Variants in PALS2 observed in about 807,000 individuals in gnomAD.
PALS2 encodes protein associated with LIN7 2, MAGUK p55 family member, also known as protein PALS2.
Under a neutral mutation model 61.6 loss-of-function variants are expected in PALS2, and 27 were observed. The observed-to-expected ratio is 0.44, with a 90% CI of 0.32 to 0.60. The LOEUF (loss-of-function observed/expected upper bound fraction) is 0.60, where lower values mean the gene tolerates loss of function less well. Among genes scored for constraint, PALS2 ranks in the 20% least tolerant of loss-of-function variants. The pLI, the probability that PALS2 is intolerant of heterozygous loss-of-function variation, is 0.05. For missense variants in PALS2, 554 were observed against 639.4 expected (o/e 0.87, Z 1.44); for synonymous variants, 236 against 218.6 (o/e 1.08, Z -0.70).
At chr7:24,686,800 C>A (rs990763357) in intron 11 of PALS2, among the ~76,000 whole-genome samples, 1 of 152,174 alleles carries the variant, frequency 6.6e-6, no homozygotes, top group Non-Finnish European at 1.5e-5. Flanking sequence ...CACCATCTTA[C>A]GAAAAGCTTT....
intron 3 of PALS2, among the ~76,000 whole-genome samples, chr7:24,649,248 A>T (rs1177255828): frequency 6.6e-6 from 1 of 152,092 alleles, no homozygotes; most frequent in Non-Finnish European, 1.5e-5. Flanking sequence ...AGTAAATAGG[A>T]TTGATGGTAA....
chr7:24,596,396 G>C lies in PALS2; in HGVS notation c.-3+22803G>C, dbSNP rs1377064802. ...GTATTTTTGTAAGTATATATATAAA[G>C]TATTATTTTGAAAACAGACCCTATC... On this transcript the variant is annotated intron_variant, in intron 1 of 11. Transcript: ENST00000222644. This position sits in a 1 kb window ranked among gnomAD's most constrained non-coding sequence, Gnocchi z 4.5. Among the ~76,000 whole-genome samples the C allele has an allele frequency of 6.6e-6, 1 of 152,006 alleles. No homozygotes were observed. Among genetic ancestry groups the C allele is most frequent in the Non-Finnish European group, 1.5e-5 (1 of 68,000 alleles).
At chr7:24,646,096 A>C (rs1476500902) in intron 3 of PALS2, among the ~76,000 whole-genome samples, 1 of 152,084 alleles carries the variant, frequency 6.6e-6, no homozygotes, top group Non-Finnish European at 1.5e-5. Context: ...CGTCATCTGC[A>C]AACAGAAATA....
intron 5 of PALS2, among the ~76,000 whole-genome samples, chr7:24,658,469 G>A (rs969212167): frequency 2.6e-5 from 4 of 151,678 alleles, no homozygotes; most frequent in Non-Finnish European, 5.9e-5. Context: ...TGCGTGCTTG[G>A]CCATTTTGAT....
chr7:24,636,217 A>G (rs1052304055), intron 2 of PALS2, among the ~76,000 whole-genome samples: 2 of 150,744 alleles, frequency 1.3e-5, no homozygotes, highest in Non-Finnish European at 3.0e-5. Flanking sequence ...TATCTCAAAA[A>G]AAAAAAAAAA....
intron 5 of PALS2, among the ~76,000 whole-genome samples, chr7:24,657,524 T>C (rs1164474531): frequency 6.6e-6 from 1 of 152,222 alleles, no homozygotes. Context: ...TGGCGAAGTG[T>C]CTTCAAATAT....
chr7:24,651,140 A>G (rs1369749707), intron 5 of PALS2, among the ~76,000 whole-genome samples: 2 of 152,206 alleles, frequency 1.3e-5, no homozygotes, highest in African/African-American at 4.8e-5. Context: ...GAGGATGGGT[A>G]TAAAGAAAAT....
At chr7:24,673,879 T>G (rs1218869272) in intron 9 of PALS2, among the ~76,000 whole-genome samples, 1 of 152,146 alleles carries the variant, frequency 6.6e-6, no homozygotes, top group Non-Finnish European at 1.5e-5. Flanking sequence ...TGATTTGAGA[T>G]CTTTTTTAAC....
Position 24,618,738 on chromosome 7 carries a change from C to A in PALS2, c.-2-4928C>A, listed in dbSNP as rs1181993660. Reference sequence around the variant, plus strand: ...TTCTGACTCTGGGCCATTCCAGGCTCGGAGGATGGGATGGCAGAGGCAGGA... The same window carrying A: ...TTCTGACTCTGGGCCATTCCAGGCTAGGAGGATGGGATGGCAGAGGCAGGA... On this transcript the variant is annotated intron_variant, in intron 1 of 11. Coordinates refer to ENST00000222644, the MANE Select transcript of PALS2 (RefSeq NM_001303037.2). The surrounding 1 kb of genome is among the most constrained non-coding windows in gnomAD (Gnocchi z 5.1). Among the ~76,000 whole-genome samples the A allele has an allele frequency of 6.6e-6, 1 of 152,224 alleles. No homozygotes were observed. Among genetic ancestry groups the A allele is most frequent in the Non-Finnish European group, 1.5e-5 (1 of 68,042 alleles).
intron 1 of PALS2, among the ~76,000 whole-genome samples, chr7:24,609,506 G>C (rs1265570473): frequency 6.6e-6 from 1 of 152,098 alleles, no homozygotes; most frequent in Non-Finnish European, 1.5e-5. Context: ...GTATTAAGGG[G>C]AACTTTTGGT....
chr7:24,603,489 C>T (rs912791522), intron 1 of PALS2, among the ~76,000 whole-genome samples: 1 of 152,182 alleles, frequency 6.6e-6, no homozygotes, highest in African/African-American at 2.4e-5. Flanking sequence ...GAGCTCTCCA[C>T]ATAGAGACCC....
intron 1 of PALS2, among the ~76,000 whole-genome samples, chr7:24,592,888 C>G (rs954808838): frequency 1.5e-5 from 2 of 132,596 alleles, no homozygotes; most frequent in African/African-American, 6.0e-5. Flanking sequence ...GCTGACTGAT[C>G]AGGGTGGTGG....
intron 2 of PALS2, among the ~76,000 whole-genome samples, chr7:24,636,902 C>T (rs189105952): frequency 1.6e-4 from 24 of 152,060 alleles, no homozygotes; most frequent in East Asian, 9.7e-4. Flanking sequence ...AAATTTAAAA[C>T]GTTCATTAAG....
At chr7:24,604,489 G>A (rs1783827928) in intron 1 of PALS2, among the ~76,000 whole-genome samples, 1 of 152,168 alleles carries the variant, frequency 6.6e-6, no homozygotes, top group South Asian at 2.1e-4. Flanking sequence ...TTGGAGACAT[G>A]TGGGACAATG....
intron 2 of PALS2, chr7:24,624,180 T>A: frequency 8.2e-7 from 1 of 1,212,714 alleles, no homozygotes; most frequent in Non-Finnish European, 1.1e-6. Flanking sequence ...TTCCTTTATC[T>A]AGTGCTTTTT....
At chr7:24,656,801 G>C (rs1159830673) in intron 5 of PALS2, among the ~76,000 whole-genome samples, 2 of 152,140 alleles carry the variant, frequency 1.3e-5, no homozygotes, top group Non-Finnish European at 2.9e-5. Flanking sequence ...TAAAGTGCTA[G>C]GATTACCGGC....
rs748065507 is a variant in PALS2, at chr7:24,650,641, C to T, written c.580C>T (p.Leu194=). The change falls in exon 5 of 12, where the codon CTG becomes TTG. Residue 194 remains leucine (L), a synonymous_variant. Transcript: ENST00000222644. ...GNNPKELQEL[L]KNISGSVTLK... ...TAATCCAAAGGAATTACAAGAATTA[C>T]TGAAAAATATTAGTGGAAGTGTCAC... 14 of 1,612,044 alleles carry T rather than the reference C, an allele frequency of 8.7e-6. No homozygotes were observed. Among genetic ancestry groups the T allele is most frequent in the Non-Finnish European group, 1.2e-5 (14 of 1,178,538 alleles).
chr7:24,598,750 A>G (rs370278035), intron 1 of PALS2, among the ~76,000 whole-genome samples: 21 of 152,186 alleles, frequency 1.4e-4, no homozygotes, highest in African/African-American at 2.9e-4. Flanking sequence ...TATTTGGACT[A>G]TGTTTTAATA....
In PALS2 at chr7:24,691,369, C is replaced by G. The variant is rs1455703067; in HGVS notation, c.*3755C>G. 1.6e-5 allele frequency: 2 copies of G among 121,422 alleles called. No homozygotes were observed. The highest frequency in any genetic ancestry group is 6.2e-5 in the African/African-American group (2 of 32,064). 7.5% of individuals were successfully genotyped at this position (121,422 alleles called of 1,614,324 possible). A position where few individuals can be genotyped will look rare whatever the true frequency, so the allele number is the denominator to read the frequency against. On this transcript the variant is annotated 3_prime_UTR_variant, in exon 12 of 12. Coordinates refer to ENST00000222644, the MANE Select transcript of PALS2 (RefSeq NM_001303037.2). Reference sequence around the variant, plus strand: ...GATAGCAGTTCATTTTTTAAATGTTCGAGTTGCCATATATTATGTATGTGT... The same window carrying G: ...GATAGCAGTTCATTTTTTAAATGTTGGAGTTGCCATATATTATGTATGTGT...
Sources: allele counts gnomAD v4.1 joint callset (sites outside exome capture counted in the v4.1 genomes callset), GRCh38; gene constraint gnomAD v4.1.1; non-coding constraint Gnocchi (gnomAD v3.1); transcripts MANE v1.5; gene names NCBI Gene and HGNC (gene_info 2026-07-23, HGNC 2026-07-21).